ARID5B: variants seen among roughly 807,000 people sequenced by gnomAD.
ARID5B encodes AT-rich interaction domain 5B.
ARID5B carries 13 observed loss-of-function variants against 97.2 expected under a neutral mutation model. That is an observed-to-expected ratio of 0.13 (90% CI 0.09 to 0.21). The LOEUF (loss-of-function observed/expected upper bound fraction) is 0.21. Ranked by LOEUF, ARID5B falls within the 10% of genes least tolerant of loss-of-function variation. The pLI is 1.00. For missense variants in ARID5B, 1,210 were observed against 1,465.3 expected, an observed-to-expected ratio of 0.83 and a Z score of 2.84; for synonymous variants, 556 against 570.3, an observed-to-expected ratio of 0.97 and a Z score of 0.36.
rs1843638887 is a variant in ARID5B at position 61,902,707 on chromosome 10, G to A, written c.276+294G>A. 2.0e-5 allele frequency among the ~76,000 whole-genome samples: 3 copies of A among 151,534 alleles called. No individual in the cohort carries two copies. In the South Asian group the frequency reaches 6.3e-4, roughly 32 times the overall value. On this transcript the variant is annotated intron_variant, in intron 2 of 9. Transcript: ENST00000279873. ...TGTGTGTGTGTGTGTGTGTGTATGT[G>A]TGTGTGTGTGTTCATTTGCTCTCCT...
intron 4 of ARID5B, among the ~76,000 whole-genome samples, chr10:62,036,729 T>C (rs1039258792): frequency 3.4e-4 from 52 of 152,140 alleles, no homozygotes; most frequent in African/African-American, 1.2e-3. Context: ...TCAGGGCCCA[T>C]TGAAAAACCA....
chr10:61,905,444 G>A (rs1428545663), intron 2 of ARID5B, among the ~76,000 whole-genome samples: 1 of 142,018 alleles, frequency 7.0e-6, no homozygotes, highest in African/African-American at 2.7e-5. Context: ...ATTTGCAGAG[G>A]GTTTTTTTTT....
intron 3 of ARID5B, among the ~76,000 whole-genome samples, chr10:61,941,366 G>A (rs919006483): frequency 1.3e-5 from 2 of 150,962 alleles, no homozygotes; most frequent in Non-Finnish European, 2.9e-5. Context: ...TGCCCAAGAC[G>A]AAAATTGTTG....
chr10:61,985,268 C>T (rs899996506), intron 3 of ARID5B, among the ~76,000 whole-genome samples: 14 of 151,174 alleles, frequency 9.3e-5, no homozygotes, highest in Admixed American at 2.6e-4. Context: ...TGACAAAAAC[C>T]GCAATTACTT....
chr10:61,961,580 G>C (rs975820607), intron 3 of ARID5B, among the ~76,000 whole-genome samples: 4 of 152,164 alleles, frequency 2.6e-5, no homozygotes, highest in African/African-American at 9.7e-5. Flanking sequence ...CTTTTCGCGT[G>C]TCAGTTACAG....
chr10:62,088,585 GTC>G (rs1281136160), intron 9 of ARID5B, among the ~76,000 whole-genome samples: 3 of 152,140 alleles, frequency 2.0e-5, no homozygotes, highest in African/African-American at 7.2e-5. Context: ...AGCTGTAAGT[GTC>G]TCAGGTTTTG....
chr10:61,962,945 A>T (rs1261510647), intron 3 of ARID5B, among the ~76,000 whole-genome samples: 1 of 152,216 alleles, frequency 6.6e-6, no homozygotes, highest in Non-Finnish European at 1.5e-5. Flanking sequence ...TTTTAATGTT[A>T]GTAGAAACTT....
In ARID5B at chr10:61,952,400, G is replaced by A. The variant is rs559508748; in HGVS notation, c.502+11992G>A. On this transcript the variant is annotated intron_variant, in intron 3 of 9. Coordinates refer to ENST00000279873, the MANE Select transcript of ARID5B (RefSeq NM_032199.3). Reference sequence around the variant, plus strand: ...CATTTAGTGTCTCTACCACCTTATTGATCACCTTACTCTATACCTACCAAT... The same window carrying A: ...CATTTAGTGTCTCTACCACCTTATTAATCACCTTACTCTATACCTACCAAT... 4.4e-4 allele frequency among the ~76,000 whole-genome samples: 67 copies of A among 152,264 alleles called. 1 individual carries two copies. In the South Asian group the frequency reaches 0.014, roughly 32 times the overall value.
intron 3 of ARID5B, among the ~76,000 whole-genome samples, chr10:61,975,641 G>T (rs1589242134): frequency 6.6e-6 from 1 of 152,000 alleles, no homozygotes; most frequent in East Asian, 1.9e-4. Flanking sequence ...ATTTGAAAAG[G>T]GTTTTATAAG....
At chr10:61,902,798 C>T (rs76158724) in intron 2 of ARID5B, among the ~76,000 whole-genome samples, 1 of 151,472 alleles carries the variant, frequency 6.6e-6, no homozygotes, top group African/African-American at 2.4e-5. Flanking sequence ...ACCTTCGTGT[C>T]TGGCTCGGTC....
At chr10:61,960,381 G>T (rs1405073834) in intron 3 of ARID5B, among the ~76,000 whole-genome samples, 2 of 152,000 alleles carry the variant, frequency 1.3e-5, no homozygotes, top group African/African-American at 4.8e-5. Flanking sequence ...CATTTTCTAT[G>T]GCTTAATTTT....
At chr10:61,938,964 A>AGTGTGTGTGTGT (rs60329829) in intron 2 of ARID5B, among the ~76,000 whole-genome samples, 2,242 of 125,134 alleles carry the variant, frequency 0.018, 35 homozygotes, top group Non-Finnish European at 0.028. Context: ...GAATTGGAGA[A>AGTGTGTGTGTGT]GTGTGTGTGT....
chr10:61,979,370 G>GT (rs1044644067), intron 3 of ARID5B, among the ~76,000 whole-genome samples: 1 of 152,186 alleles, frequency 6.6e-6, no homozygotes, highest in African/African-American at 2.4e-5. Flanking sequence ...TCTTGTTTTT[G>GT]TTTTTTAAAT....
chr10:61,953,935 G>A (rs542471161), intron 3 of ARID5B, among the ~76,000 whole-genome samples: 1 of 152,258 alleles, frequency 6.6e-6, no homozygotes, highest in East Asian at 1.9e-4. Flanking sequence ...ACAGTAGTAT[G>A]TTATTTCATT....
chr10:61,933,069 C>T (rs902513498), intron 2 of ARID5B, among the ~76,000 whole-genome samples: 1 of 152,194 alleles, frequency 6.6e-6, no homozygotes, highest in African/African-American at 2.4e-5. Context: ...AGACCCAACT[C>T]AAAAGAACAA....
intron 3 of ARID5B, among the ~76,000 whole-genome samples, chr10:61,996,258 A>C (rs1479025103): frequency 6.6e-6 from 1 of 152,148 alleles, no homozygotes; most frequent in Non-Finnish European, 1.5e-5. Context: ...AACTGGCTGA[A>C]TTCTACAGTC....
At chr10:61,979,828 A>G (rs1421737182) in intron 3 of ARID5B, among the ~76,000 whole-genome samples, 5 of 152,234 alleles carry the variant, frequency 3.3e-5, no homozygotes, top group African/African-American at 1.2e-4. Context: ...GTGGTGGCTC[A>G]CGCCTGTAAT....
chr10:61,979,095 CG>C (rs1838741178), intron 3 of ARID5B, among the ~76,000 whole-genome samples: 1 of 152,172 alleles, frequency 6.6e-6, no homozygotes, highest in African/African-American at 2.4e-5. Context: ...CAGAGCTCAT[CG>C]GGAGAATTCC....
At chr10:61,982,640 T>C (rs550328653) in intron 3 of ARID5B, among the ~76,000 whole-genome samples, 51 of 152,332 alleles carry the variant, frequency 3.3e-4, no homozygotes, top group African/African-American at 1.2e-3. Flanking sequence ...CAAGATATCA[T>C]GTGGTGGGAA....
Sources: allele counts gnomAD v4.1 joint callset (sites outside exome capture counted in the v4.1 genomes callset), GRCh38; gene constraint gnomAD v4.1.1; transcripts MANE v1.5; gene names NCBI Gene and HGNC (gene_info 2026-07-23, HGNC 2026-07-21).